Variants in NR3C1 observed in about 807,000 individuals in gnomAD.
NR3C1 encodes the protein glucocorticoid receptor.
Under a neutral mutation model 74.0 loss-of-function variants are expected in NR3C1, and 14 were observed. That is an observed-to-expected ratio of 0.19 (90% confidence interval 0.12 to 0.30). NR3C1 has a LOEUF of 0.30. Among genes scored for constraint, NR3C1 ranks in the 10% least tolerant of loss-of-function variants. The probability of loss-of-function intolerance (pLI) is 1.00; values close to 1 mark genes in which losing one functional copy is unlikely to be tolerated. For missense variants in NR3C1, 695 were observed against 909.8 expected (o/e 0.76, Z 3.04); for synonymous variants, 308 against 332.5 (o/e 0.93, Z 0.80).
rs760310145 is a variant in NR3C1 at position 143,282,642 on chromosome 5, T to C, written c.2107A>G (p.Lys703Glu). Residue 703 changes from lysine to glutamate, a missense_variant, in exon 8 of 9, where the codon AAG becomes GAG. Physicochemically the swap from Lys to Glu is moderately conservative, Grantham distance 56. Coordinates refer to ENST00000394464, the MANE Select transcript of NR3C1 (RefSeq NM_000176.3). ...YIKELGKAIV[K>E]REGNSSQNWQ... ...TTCTGGCTGGAGTTTCCTTCCCTCT[T>C]GACAATGGCTTTTCCTAGCTCTTTG... 14 of 1,614,100 alleles carry C rather than the reference T, an allele frequency of 8.7e-6. No homozygotes were observed. Among genetic ancestry groups the C allele is most frequent in the Non-Finnish European group, 1.2e-5 (14 of 1,179,966 alleles).
intron 2 of NR3C1, among the ~76,000 whole-genome samples, chr5:143,365,156 GAAC>G (rs1832966424): frequency 6.6e-6 from 1 of 152,054 alleles, no homozygotes; most frequent in Non-Finnish European, 1.5e-5. Flanking sequence ...AAGAATTTAA[GAAC>G]AAGAGACACA....
rs545968004 is a variant in NR3C1, at chr5:143,293,267, G to GT, written c.2023+2192dup. Among the ~76,000 whole-genome samples, 3 of 152,294 alleles carry GT rather than the reference G, an allele frequency of 2.0e-5. No individual in the cohort carries two copies. The South Asian group carries it at 6.2e-4, about 32-fold the overall frequency. On this transcript the variant is annotated intron_variant, in intron 7 of 8. Coordinates refer to ENST00000394464, the MANE Select transcript of NR3C1 (RefSeq NM_000176.3). ...ACTGGAAACCATTATTGTAAGTGAA[G>GT]TAACCCAGGAATGGGAAACCAAATA...
intron 2 of NR3C1, among the ~76,000 whole-genome samples, chr5:143,332,419 G>T (rs1826169625): frequency 7.0e-6 from 1 of 143,090 alleles, no homozygotes; most frequent in Admixed American, 7.0e-5. Context: ...GGGTGGGGGG[G>T]CGGGACAGCA....
At chr5:143,332,753 T>A in intron 2 of NR3C1, 2 of 1,586,622 alleles carry the variant, frequency 1.3e-6, no homozygotes, top group African/African-American at 1.3e-5. Context: ...CAGATAAACA[T>A]TCCTTGGCCT....
chr5:143,399,860 G>C lies in NR3C1; in HGVS notation c.980C>G (p.Ser327Cys). The C allele has an allele frequency of 6.2e-7, 1 of 1,614,202 alleles. No individual in the cohort carries two copies. Among genetic ancestry groups the C allele is most frequent in the Non-Finnish European group, 8.5e-7 (1 of 1,180,032 alleles). The change falls in exon 2 of 9, where the codon TCT becomes TGT. Residue 327 changes from serine (S) to cysteine (C), a missense_variant. Ser to Cys is a moderately radical substitution (Grantham distance 112, BLOSUM62 -1). Coordinates refer to ENST00000394464, the MANE Select transcript of NR3C1 (RefSeq NM_000176.3). ...GTCATAGTGGTACATCTGTCCTCCA[G>C]AGGTACTCACACCATGAACAGAAAT... ...SAISVHGVST[S>C]GGQMYHYDMN...
intron 6 of NR3C1, among the ~76,000 whole-genome samples, chr5:143,297,066 G>C (rs1324741802): frequency 8.7e-6 from 1 of 115,602 alleles, no homozygotes; most frequent in African/African-American, 3.4e-5. Flanking sequence ...GACAGAGTAA[G>C]ACTCGTCTCA....
chr5:143,432,024 G>A (rs1459728032), intron 1 of NR3C1, among the ~76,000 whole-genome samples: 1 of 152,228 alleles, frequency 6.6e-6, no homozygotes, highest in Admixed American at 6.5e-5. Context: ...ACCTTGGTGG[G>A]GGTGGAGGAG....
intron 1 of NR3C1, among the ~76,000 whole-genome samples, chr5:143,409,903 A>T (rs1368435533): frequency 6.6e-6 from 1 of 152,218 alleles, no homozygotes; most frequent in African/African-American, 2.4e-5. Context: ...AACCTAAAAT[A>T]TCACAATTTG....
intron 2 of NR3C1, among the ~76,000 whole-genome samples, chr5:143,350,792 A>C (rs1256861550): frequency 1.3e-5 from 2 of 152,178 alleles, no homozygotes; most frequent in East Asian, 3.8e-4. Context: ...AGGCTAGAGA[A>C]GTAGAAGGAG....
At chr5:143,380,647 T>C (rs1054705336) in intron 2 of NR3C1, among the ~76,000 whole-genome samples, 2 of 136,280 alleles carry the variant, frequency 1.5e-5, no homozygotes, top group Admixed American at 8.3e-5. Context: ...GAGGAACTTG[T>C]GTGGATTATA....
At chr5:143,302,121 G>A (rs1201395421) in intron 4 of NR3C1, among the ~76,000 whole-genome samples, 1 of 152,032 alleles carries the variant, frequency 6.6e-6, no homozygotes, top group Non-Finnish European at 1.5e-5. Context: ...GGATATCTGT[G>A]CAAGTTACTC....
chr5:143,299,624 G>A (rs1160354791), intron 5 of NR3C1, among the ~76,000 whole-genome samples: 1 of 152,164 alleles, frequency 6.6e-6, no homozygotes, highest in African/African-American at 2.4e-5. Flanking sequence ...CCAAACAAAT[G>A]TTTGAGGTGA....
intron 2 of NR3C1, among the ~76,000 whole-genome samples, chr5:143,353,118 T>C (rs1258534032): frequency 1.3e-5 from 2 of 152,144 alleles, no homozygotes; most frequent in African/African-American, 4.8e-5. Context: ...AAGAAAAAAA[T>C]TTATTTGCTC....
chr5:143,395,140 T>C (rs560132825), intron 2 of NR3C1, among the ~76,000 whole-genome samples: 1 of 152,094 alleles, frequency 6.6e-6, no homozygotes, highest in Admixed American at 6.5e-5. Flanking sequence ...CCTAATCTAG[T>C]TTAGCATAGA....
At chr5:143,405,031 C>T, upstream of NR3C1, 2 of 768,446 alleles carry the variant, frequency 2.6e-6, no homozygotes, top group African/African-American at 1.9e-5. Context: ...GTGGTCCGTC[C>T]TGAGAAAGGA....
At chr5:143,298,986 G>C (rs1817877465) in intron 5 of NR3C1, among the ~76,000 whole-genome samples, 174 bp from the exon 6 acceptor site, 1 of 145,176 alleles carries the variant, frequency 6.9e-6, no homozygotes, top group Non-Finnish European at 1.5e-5. Context: ...GACACTTTAA[G>C]ACTCACAAAC....
At chr5:143,372,360 A>G (rs531418734) in intron 2 of NR3C1, among the ~76,000 whole-genome samples, 304 of 152,322 alleles carry the variant, frequency 2.0e-3, no homozygotes, top group Non-Finnish European at 3.8e-3. Context: ...TTGTAATACT[A>G]GAAGAGTCAA....
At chr5:143,389,100 T>C (rs916590005) in intron 2 of NR3C1, among the ~76,000 whole-genome samples, 6 of 152,324 alleles carry the variant, frequency 3.9e-5, no homozygotes, top group South Asian at 2.1e-4. Context: ...GAAGTTTCAG[T>C]TATGTCTTCC....
At chr5:143,414,359 C>T (rs1253974896) in intron 1 of NR3C1, among the ~76,000 whole-genome samples, 3 of 152,126 alleles carry the variant, frequency 2.0e-5, no homozygotes, top group Non-Finnish European at 2.9e-5. Context: ...CTGAATGTCA[C>T]GCAAATGTCT....
Sources: allele counts gnomAD v4.1 joint callset (sites outside exome capture counted in the v4.1 genomes callset), GRCh38; gene constraint gnomAD v4.1.1; transcripts MANE v1.5; gene names NCBI Gene and HGNC (gene_info 2026-07-23, HGNC 2026-07-21).